Variants in ULK4 observed in about 807,000 individuals in gnomAD.
ULK4 encodes unc-51 like kinase 4, also known as inactive serine/threonine-protein kinase ULK4.
ULK4 carries 133 observed loss-of-function variants against 160.6 expected under a neutral mutation model. The observed-to-expected ratio is 0.83, with a 90% CI of 0.72 to 0.96. The LOEUF (loss-of-function observed/expected upper bound fraction) is 0.96, where lower values mean the gene tolerates loss of function less well. Ranked by LOEUF, ULK4 falls within the 40% of genes least tolerant of loss-of-function variation. The probability of loss-of-function intolerance (pLI) is 0.00; values close to 1 mark genes in which losing one functional copy is unlikely to be tolerated. For synonymous variants in ULK4, 534 were observed against 539.8 expected (o/e 0.99, Z 0.15); for missense variants, 1,580 against 1,499.5 (o/e 1.05, Z -0.89).
At chr3:41,452,804 G>A (rs758873766) in intron 34 of ULK4, among the ~76,000 whole-genome samples, 11 of 152,018 alleles carry the variant, frequency 7.2e-5, no homozygotes, top group African/African-American at 2.2e-4. Context: ...CTCCATGTTC[G>A]AGCTAAGAAT....
chr3:41,722,131 G>C (rs1359950494), intron 22 of ULK4, among the ~76,000 whole-genome samples: 1 of 152,052 alleles, frequency 6.6e-6, no homozygotes, highest in East Asian at 1.9e-4. Flanking sequence ...AAATGAATGC[G>C]GTAAATTCTC....
intron 19 of ULK4, among the ~76,000 whole-genome samples, chr3:41,807,521 C>G (rs10510730): frequency 0.12 from 18,840 of 152,174 alleles, 1,345 homozygotes; most frequent in Middle Eastern, 0.27. Flanking sequence ...ATATCCTTCA[C>G]TATTTTTATC....
intron 27 of ULK4, among the ~76,000 whole-genome samples, chr3:41,704,732 A>G (rs1292614853): frequency 6.6e-6 from 1 of 152,180 alleles, no homozygotes; most frequent in Non-Finnish European, 1.5e-5. Flanking sequence ...AGAATTGTCC[A>G]TCCCAAAATG....
chr3:41,874,162 T>A (rs1697216769), intron 17 of ULK4, among the ~76,000 whole-genome samples: 1 of 152,168 alleles, frequency 6.6e-6, no homozygotes, highest in South Asian at 2.1e-4. Context: ...GGACTGATTA[T>A]GTGTAGTTGT....
intron 30 of ULK4, among the ~76,000 whole-genome samples, chr3:41,646,812 C>T (rs566921272): frequency 3.9e-5 from 6 of 152,188 alleles, no homozygotes; most frequent in Admixed American, 6.5e-5. Context: ...CCGTTCTCCC[C>T]GTCACTTTCA....
At chr3:41,288,240 C>T (rs965221579) in intron 35 of ULK4, among the ~76,000 whole-genome samples, 3 of 152,144 alleles carry the variant, frequency 2.0e-5, no homozygotes, top group Admixed American at 6.5e-5. Flanking sequence ...CCCCACTTCC[C>T]CTTCCTCACA....
intron 22 of ULK4, among the ~76,000 whole-genome samples, chr3:41,752,829 C>T (rs1387073347): frequency 1.3e-5 from 2 of 152,136 alleles, no homozygotes; most frequent in Non-Finnish European, 2.9e-5. Context: ...TCTCCCCCTT[C>T]CCCGAAAAAA....
Position 41,386,117 on chromosome 3 carries a change from C to T in ULK4, c.3678+11962G>A, listed in dbSNP as rs114094913. Among the ~76,000 whole-genome samples the T allele has an allele frequency of 7.0e-3, 1,060 of 152,260 alleles. 4 individuals carry two copies. The highest frequency in any genetic ancestry group is 0.016 in the African/African-American group (656 of 41,556). On this transcript the variant is annotated intron_variant, in intron 35 of 36. Transcript: ENST00000301831. ...ATGTATTATATCTTCAGCACTTCCA[C>T]GTTTGGCTCAAAACAGATGCTCAAT...
chr3:41,731,180 A>G (rs1393410103), intron 22 of ULK4, among the ~76,000 whole-genome samples: 2 of 152,040 alleles, frequency 1.3e-5, no homozygotes, highest in Non-Finnish European at 2.9e-5. Context: ...GGCAAGAGAA[A>G]GAAAGGGCAT....
intron 31 of ULK4, among the ~76,000 whole-genome samples, chr3:41,613,623 A>C (rs1203234846): frequency 6.6e-6 from 1 of 152,270 alleles, no homozygotes; most frequent in African/African-American, 2.4e-5. Context: ...TAACTGCTAC[A>C]AAGATATTTC....
intron 35 of ULK4, among the ~76,000 whole-genome samples, chr3:41,381,816 A>T (rs2081659672): frequency 1.3e-5 from 2 of 152,030 alleles, no homozygotes; most frequent in Non-Finnish European, 2.9e-5. Flanking sequence ...GATAAAGACC[A>T]GTGTTTACGA....
intron 32 of ULK4, among the ~76,000 whole-genome samples, chr3:41,550,647 G>C (rs2087028474): frequency 6.6e-6 from 1 of 151,918 alleles, no homozygotes; most frequent in South Asian, 2.1e-4. Flanking sequence ...TAAAGTATTA[G>C]ATCTAAGGGG....
At position 41,351,233 on chromosome 3, in the gene ULK4, T is replaced by C. The variant is rs144636297; in HGVS notation, c.3678+46846A>G. On this transcript the variant is annotated intron_variant, in intron 35 of 36. Coordinates refer to ENST00000301831, the MANE Select transcript of ULK4 (RefSeq NM_017886.4). ...AAAAGCTGGTGATTCAAGGCCTTGGTTCTCCTCAAAGGTAACTCACCACAG... is the reference window on the plus strand; with the variant it reads ...AAAAGCTGGTGATTCAAGGCCTTGGCTCTCCTCAAAGGTAACTCACCACAG... Among the ~76,000 whole-genome samples the C allele has an allele frequency of 3.9e-5, 6 of 152,288 alleles. No homozygotes were observed. In the South Asian group the frequency reaches 6.2e-4, roughly 16 times the overall value.
rs371717272 is a variant in ULK4 at position 41,750,348 on chromosome 3, A to G, written c.2321+4013T>C. On this transcript the variant is annotated intron_variant, in intron 22 of 36. Coordinates refer to ENST00000301831, the MANE Select transcript of ULK4 (RefSeq NM_017886.4). ...TCTCATTTGAGTACAGTATCAGAAG[A>G]GAACACATTCAACCAGAAGATTACT... Among the ~76,000 whole-genome samples the G allele has an allele frequency of 7.3e-4, 111 of 152,290 alleles. 1 individual carries two copies. Among genetic ancestry groups the G allele is most frequent in the Middle Eastern group, 6.8e-3 (2 of 294 alleles).
chr3:41,635,476 GAAAA>G (rs1293904545), intron 30 of ULK4, among the ~76,000 whole-genome samples: 2 of 151,768 alleles, frequency 1.3e-5, no homozygotes, highest in Non-Finnish European at 1.5e-5. Flanking sequence ...GTTACATTTA[GAAAA>G]AATAGAAAAG....
At chr3:41,697,307 T>C (rs1241901987) in intron 27 of ULK4, among the ~76,000 whole-genome samples, 8 of 152,180 alleles carry the variant, frequency 5.3e-5, no homozygotes, top group African/African-American at 1.7e-4. Context: ...AAAATTCCTA[T>C]TGCTTACTGA....
chr3:41,883,526 A>T (rs1005572841), intron 17 of ULK4, among the ~76,000 whole-genome samples: 1 of 152,252 alleles, frequency 6.6e-6, no homozygotes, highest in African/African-American at 2.4e-5. Context: ...AAATAATTTG[A>T]ATTTTGAATT....
intron 35 of ULK4, among the ~76,000 whole-genome samples, chr3:41,384,205 A>G (rs1010664178): frequency 2.0e-5 from 3 of 152,156 alleles, no homozygotes; most frequent in African/African-American, 7.2e-5. Flanking sequence ...GGCCACTATC[A>G]ATGGGACATT....
At chr3:41,790,556 G>A (rs996203407) in intron 20 of ULK4, among the ~76,000 whole-genome samples, 12 of 152,194 alleles carry the variant, frequency 7.9e-5, no homozygotes, top group Admixed American at 3.3e-4. Context: ...AGAAGATGAC[G>A]CTGAGCCAGT....
Sources: gnomAD v4.1 joint callset for allele counts (sites outside exome capture counted in the v4.1 genomes callset) on GRCh38, gnomAD v4.1.1 for gene constraint, MANE v1.5 for transcripts, NCBI Gene and HGNC (gene_info 2026-07-23, HGNC 2026-07-21) for gene names.